Variants in VGLL4 observed in about 807,000 individuals in gnomAD.
The protein encoded by VGLL4 is vestigial like family member 4.
In VGLL4, 7 loss-of-function variants were observed where a neutral mutation model predicts 21.0. The observed-to-expected ratio is 0.33, with a 90% CI of 0.19 to 0.63. The LOEUF (loss-of-function observed/expected upper bound fraction) is 0.63. VGLL4 is among the 20% of genes least tolerant of loss of function. The pLI is 0.78. For missense variants in VGLL4, 394 were observed against 425.7 expected, an observed-to-expected ratio of 0.93 and a Z score of 0.66; for synonymous variants, 222 against 173.2, an observed-to-expected ratio of 1.28 and a Z score of -2.21.
intron 1 of VGLL4, among the ~76,000 whole-genome samples, chr3:11,604,847 AAGAC>A (rs1322531615): frequency 6.9e-6 from 1 of 144,270 alleles, no homozygotes. Context: ...ATGGTGAACT[AAGAC>A]AGCAAAACTC....
At chr3:11,574,484 TG>T (rs1205936265) in intron 2 of VGLL4, among the ~76,000 whole-genome samples, 1 of 152,040 alleles carries the variant, frequency 6.6e-6, no homozygotes, top group African/African-American at 2.4e-5. Context: ...TTCCAGAGGC[TG>T]GGAAGGGTAG....
intron 2 of VGLL4, among the ~76,000 whole-genome samples, chr3:11,579,795 G>T (rs1190023050): frequency 3.9e-5 from 6 of 152,018 alleles, no homozygotes; most frequent in African/African-American, 9.7e-5. Flanking sequence ...ACTACTCTTT[G>T]AATTAAATTA....
chr3:11,564,913 A>G lies in VGLL4; in HGVS notation c.379T>C (p.Tyr127His), dbSNP rs775817849. The G allele has an allele frequency of 1.9e-6, 3 of 1,601,406 alleles. No individual in the cohort carries two copies. The highest frequency in any genetic ancestry group is 2.6e-6 in the Non-Finnish European group (3 of 1,174,354). The change falls in exon 3 of 5, where the codon TAC (tyrosine) becomes CAC (histidine). Residue 127 changes from tyrosine to histidine, a missense_variant. Tyr to His is a moderately conservative substitution (Grantham distance 83). Coordinates refer to ENST00000430365, the MANE Select transcript of VGLL4 (RefSeq NM_001128219.3). ...PTMSLHGSHLYTSLPSLGLEQ... is the reference protein window; with the variant it reads ...PTMSLHGSHLHTSLPSLGLEQ... ...AGGCCAAGGCTGGGGAGGGAGGTGT[A>G]CAGGTGGCTGCCGTGCAGGCTCATG...
intron 2 of VGLL4, among the ~76,000 whole-genome samples, chr3:11,664,918 A>G (rs1456537625): frequency 6.6e-6 from 1 of 151,432 alleles, no homozygotes; most frequent in Non-Finnish European, 1.5e-5. Flanking sequence ...CAGGCATCCC[A>G]ATTTTCTTTT....
At chr3:11,627,595 CAAAA>C (rs57607183) in intron 1 of VGLL4, among the ~76,000 whole-genome samples, 7,989 of 118,416 alleles carry the variant, frequency 0.067, 327 homozygotes, top group African/African-American at 0.17. Flanking sequence ...AACTTCATCT[CAAAA>C]AAAAAAAAAA....
intron 1 of VGLL4, among the ~76,000 whole-genome samples, chr3:11,640,416 G>A (rs1217341214): frequency 6.6e-6 from 1 of 152,178 alleles, no homozygotes; most frequent in Non-Finnish European, 1.5e-5. Flanking sequence ...GGTATCATCT[G>A]AGCATTCAGT....
intron 2 of VGLL4, among the ~76,000 whole-genome samples, chr3:11,665,314 C>T (rs930453634): frequency 2.6e-5 from 4 of 151,714 alleles, no homozygotes; most frequent in Admixed American, 1.3e-4. Context: ...GGGGTTTCAC[C>T]GTGTTAGCCA....
In VGLL4 at chr3:11,558,472, AT is replaced by A; in HGVS notation, c.*83del. On this transcript the variant is annotated 3_prime_UTR_variant, in exon 5 of 5. Coordinates refer to ENST00000430365, the MANE Select transcript of VGLL4 (RefSeq NM_001128219.3). ...CTTCCCTTCCCCCCACCCCACCCCC[AT>A]GATTTTTTTTTTTTTAAGTACTGAC... 3.5e-4 allele frequency: 229 copies of A among 649,302 alleles called. No individual in the cohort carries two copies. Among genetic ancestry groups the A allele is most frequent in the Non-Finnish European group, 3.7e-4 (175 of 466,982 alleles). The allele number at this position is 649,302 out of a possible 1,614,324, so 40.2% of individuals were successfully genotyped here.
rs1450031327 is a variant in VGLL4, at chr3:11,570,932, GGT to G, written c.273-5915_273-5914del. ...TTCCCAGTGAGCAACAAGGTGCCTG[GGT>G]GTGTCCCCAAGACATCCTGGTCAAG... On this transcript the variant is annotated intron_variant, in intron 2 of 4. Coordinates refer to ENST00000430365, the MANE Select transcript of VGLL4 (RefSeq NM_001128219.3). Among the ~76,000 whole-genome samples, 4 of 152,266 alleles carry G rather than the reference GGT, an allele frequency of 2.6e-5. No homozygotes were observed. The East Asian group carries it at 7.7e-4, about 29-fold the overall frequency.
At chr3:11,571,677 A>G (rs2073782421) in intron 2 of VGLL4, among the ~76,000 whole-genome samples, 1 of 152,126 alleles carries the variant, frequency 6.6e-6, no homozygotes, top group African/African-American at 2.4e-5. Flanking sequence ...AGGAAATAAA[A>G]ATAAAATACT....
chr3:11,695,238 C>T (rs1178621811), intron 2 of VGLL4, among the ~76,000 whole-genome samples: 1 of 151,796 alleles, frequency 6.6e-6, no homozygotes, highest in Non-Finnish European at 1.5e-5. Context: ...TTAGTAGAGA[C>T]GGGGTTTCAC....
At chr3:11,688,271 T>C (rs1383957718) in intron 2 of VGLL4, among the ~76,000 whole-genome samples, 2 of 152,200 alleles carry the variant, frequency 1.3e-5, no homozygotes, top group African/African-American at 4.8e-5. Context: ...TTGGCTTTAG[T>C]ATCATGTTAT....
chr3:11,676,554 G>C (rs1401011596), intron 2 of VGLL4, among the ~76,000 whole-genome samples: 1 of 151,728 alleles, frequency 6.6e-6, no homozygotes, highest in African/African-American at 2.4e-5. Flanking sequence ...TGAAAAGAAA[G>C]GCCAATATCC....
chr3:11,687,566 T>A (rs150037196), intron 2 of VGLL4, among the ~76,000 whole-genome samples: 1,530 of 152,256 alleles, frequency 0.01, 25 homozygotes, highest in African/African-American at 0.034. Context: ...CACTTCAGCC[T>A]CCCACAGTGC....
chr3:11,689,736 C>T (rs751888731), intron 2 of VGLL4, among the ~76,000 whole-genome samples: 5 of 152,204 alleles, frequency 3.3e-5, no homozygotes, highest in East Asian at 1.9e-4. Context: ...CTGGTATTAA[C>T]GCTCTCCTGG....
chr3:11,561,891 CTTTTTTTTTTT>C (rs35380668), intron 3 of VGLL4, among the ~76,000 whole-genome samples: 2 of 88,590 alleles, frequency 2.3e-5, no homozygotes, highest in Non-Finnish European at 4.0e-5. Flanking sequence ...CTGCGCCAAA[CTTTTTTTTTTT>C]TTTTTTTTTT....
intron 2 of VGLL4, among the ~76,000 whole-genome samples, chr3:11,655,562 G>A (rs2075945117): frequency 6.6e-6 from 1 of 152,204 alleles, no homozygotes; most frequent in African/African-American, 2.4e-5. Context: ...CCAGTAGCTG[G>A]AATAGGACTT....
chr3:11,569,863 A>C (rs774230734), intron 2 of VGLL4, among the ~76,000 whole-genome samples: 2 of 152,198 alleles, frequency 1.3e-5, no homozygotes, highest in Non-Finnish European at 2.9e-5. Context: ...CCTGGGTGAC[A>C]GAGCAAGACC....
chr3:11,584,246 G>C (rs1372072352), intron 2 of VGLL4, among the ~76,000 whole-genome samples: 1 of 152,060 alleles, frequency 6.6e-6, no homozygotes, highest in African/African-American at 2.4e-5. Flanking sequence ...TTACAAAAAA[G>C]ACAAGGTATA....
Sources: gnomAD v4.1 joint callset for allele counts (sites outside exome capture counted in the v4.1 genomes callset) on GRCh38, gnomAD v4.1.1 for gene constraint, MANE v1.5 for transcripts, NCBI Gene and HGNC (gene_info 2026-07-23, HGNC 2026-07-21) for gene names.